Variants in NCL observed in about 807,000 individuals in gnomAD.
The protein encoded by NCL is nucleolin multifunctional protein.
A neutral mutation model predicts 77.7 loss-of-function variants in NCL; 4 were observed. The observed-to-expected ratio is 0.05, with a 90% CI of 0.03 to 0.12. The LOEUF (loss-of-function observed/expected upper bound fraction) is 0.12, where lower values mean the gene tolerates loss of function less well. NCL is among the 10% of genes least tolerant of loss of function. NCL has a pLI of 1.00. For synonymous variants in NCL, 344 were observed against 297.8 expected (o/e 1.16, Z -1.60); for missense variants, 763 against 860.9 (o/e 0.89, Z 1.42).
chr2:231,460,171 C>T lies in NCL; in HGVS notation c.1021G>A (p.Val341Ile), dbSNP rs753908592. 13 of 1,613,214 alleles carry T rather than the reference C, an allele frequency of 8.1e-6. No individual in the cohort carries two copies. The African/African-American group carries it at 1.3e-4, about 17-fold the overall frequency. Residue 341 changes from valine (V) to isoleucine (I), a missense_variant, in exon 6 of 14, where the codon GTC becomes ATC. This residue lies in a region of NCL where 590 missense variants were observed against 570.5 expected (regional missense o/e 1.03). Coordinates refer to ENST00000322723, the MANE Select transcript of NCL (RefSeq NM_005381.3). ...ACTTACCTAGTCATACCAATTCTGA[C>T]ATCCACAACAGCAAGATCATTTTTA... The part of the protein sequence containing the change: ...FAKNDLAVVD[V>I]RIGMTRKFGY...
chr2:231,456,053 G>C lies in NCL; in HGVS notation c.1789C>G (p.Arg597Gly). The change falls in exon 12 of 14, where the codon CGG becomes GGG. Residue 597 changes from arginine to glycine, a missense_variant. Transcript: ENST00000322723. Reference sequence around the variant, plus strand: ...TCCCGGTCAGTAACTATCCTTGCCCGAACGGAGCCGTCAAATGACTCCTTT... The same window carrying C: ...TCCCGGTCAGTAACTATCCTTGCCCCAACGGAGCCGTCAAATGACTCCTTT... ...TLKESFDGSVRARIVTDRETG... is the reference protein window; with the variant it reads ...TLKESFDGSVGARIVTDRETG... The C allele has an allele frequency of 6.2e-7, 1 of 1,614,126 alleles. No homozygotes were observed. Among genetic ancestry groups the C allele is most frequent in the African/African-American group, 1.3e-5 (1 of 75,014 alleles).
At position 231,463,976 on chromosome 2, in the gene NCL, GCGCGGCCCA is replaced by G; in HGVS notation, c.18+351_18+359del. On this transcript the variant is annotated intron_variant, in intron 1 of 13. Coordinates refer to ENST00000322723, the MANE Select transcript of NCL (RefSeq NM_005381.3). ...CTCTGGAGATTCCAGGACCCACGCG[GCGCGGCCCA>G]CGTGGCAGGCCGCGCTCCCGGGCAC... 5 of 420,174 alleles carry G rather than the reference GCGCGGCCCA, an allele frequency of 1.2e-5. No homozygotes were observed. In the South Asian group the frequency reaches 1.9e-4, roughly 16 times the overall value. 26.0% of individuals were successfully genotyped at this position (420,174 alleles called of 1,614,324 possible).
chr2:231,457,878 TG>T, intron 8 of NCL, 78 bp from the exon 9 acceptor site: 1 of 1,334,726 alleles, frequency 7.5e-7, no homozygotes, highest in African/African-American at 1.5e-5. Context: ...ACACAGAACT[TG>T]CTTCAGATCT....
In NCL at chr2:231,464,441, A is replaced by G. The variant is rs377334817; in HGVS notation, c.-88T>C. Reference sequence around the variant, plus strand: ...GCGATGGCGGCCGCGGGTGCTGAAGATCCCGGAGCACGTACACCCGAAGGC... The same window carrying G: ...GCGATGGCGGCCGCGGGTGCTGAAGGTCCCGGAGCACGTACACCCGAAGGC... On this transcript the variant is annotated 5_prime_UTR_variant, in exon 1 of 14. Transcript: ENST00000322723. The G allele has an allele frequency of 6.2e-3, 9,439 of 1,518,516 alleles. 44 individuals are homozygous for G. Among genetic ancestry groups the G allele is most frequent in the Non-Finnish European group, 6.9e-3 (7,722 of 1,115,348 alleles). The allele number at this position is 1,518,516 out of a possible 1,614,324, so 94.1% of individuals were successfully genotyped here.
In NCL at chr2:231,457,116, T is replaced by C; in HGVS notation, c.1456A>G (p.Lys486Glu). 2 of 1,613,722 alleles carry C rather than the reference T, an allele frequency of 1.2e-6. No homozygotes were observed. The highest frequency in any genetic ancestry group is 1.7e-6 in the Non-Finnish European group (2 of 1,179,886). ...GAGAGGTTGCTTAAAACCAGAGTTT[T>C]TGATTCACCTGCAAATAGAGATGCC... ...GKNSTWSGES[K>E]TLVLSNLSYS... Residue 486 changes from lysine (K) to glutamate (E), a missense_variant, in exon 10 of 14, where the codon AAA (lysine) becomes GAA (glutamate). By Grantham distance (56) the Lys-to-Glu change is moderately conservative. Around this residue, in one of 2 missense-constraint regions of NCL, gnomAD observed 173 missense variants for 290.4 expected, o/e 0.60. Transcript: ENST00000322723.
chr2:231,457,182 C>A, intron 9 of NCL, 58 bp from the exon 10 acceptor site: 1 of 1,605,958 alleles, frequency 6.2e-7, no homozygotes, highest in South Asian at 1.1e-5. Context: ...CAGCTTCGGT[C>A]ACAACAGTAA....
Position 231,460,507 on chromosome 2 carries a change from G to A in NCL, c.869C>T (p.Ala290Val). Residue 290 changes from alanine to valine, a missense_variant, in exon 5 of 14, where the codon GCT (alanine) becomes GTT (valine). By Grantham distance (64) the Ala-to-Val change is moderately conservative. This residue lies in a region of NCL where 590 missense variants were observed against 570.5 expected (regional missense o/e 1.03). Coordinates refer to ENST00000322723, the MANE Select transcript of NCL (RefSeq NM_005381.3). ...RKKEMAKQKA[A>V]PEAKKQKVEG... ...CACTTTCTGTTTCTTGGCTTCAGGA[G>A]CTGCTTTCTGTTTGGCCATTTCCTT... 1.2e-6 allele frequency: 2 copies of A among 1,614,150 alleles called. No homozygotes were observed. The highest frequency in any genetic ancestry group is 1.7e-6 in the Non-Finnish European group (2 of 1,180,028).
intron 6 of NCL, among the ~76,000 whole-genome samples, chr2:231,459,949 G>T (rs1220885099): frequency 6.6e-6 from 1 of 152,118 alleles, no homozygotes; most frequent in Non-Finnish European, 1.5e-5. Context: ...AAATTATTCT[G>T]TGCTATACCA....
At chr2:231,457,616 A>G in intron 9 of NCL, 27 bp downstream of exon 9, 6 of 1,563,160 alleles carry the variant, frequency 3.8e-6, no homozygotes, top group Non-Finnish European at 4.3e-6. Flanking sequence ...CCAATTCTGA[A>G]ACCTTGTAAC....
intron 11 of NCL, chr2:231,456,420 A>G: frequency 9.7e-7 from 1 of 1,034,650 alleles, no homozygotes; most frequent in Non-Finnish European, 1.5e-6. Flanking sequence ...TCATGGGCAA[A>G]CTTGCTACTC....
chr2:231,462,484 A>G (rs1341419827), intron 2 of NCL: 1 of 474,742 alleles, frequency 2.1e-6, no homozygotes, highest in Non-Finnish European at 4.3e-6. Context: ...ACCTGAGACA[A>G]AAAATGAATA....
At chr2:231,456,332 G>T in intron 11 of NCL, 196 bp from the exon 12 acceptor site, 1 of 873,022 alleles carries the variant, frequency 1.1e-6, no homozygotes, top group Non-Finnish European at 1.8e-6. Flanking sequence ...TTGCATAGTT[G>T]ATATCCTGCC....
At chr2:231,455,687 T>A (rs913641534) in intron 12 of NCL, 63 bp from the exon 13 acceptor site, 1 of 1,520,368 alleles carries the variant, frequency 6.6e-7, no homozygotes, top group Non-Finnish European at 9.1e-7. Flanking sequence ...CCAAGTTAAC[T>A]GTACATGCTG....
In NCL at chr2:231,455,598, T is replaced by G. The variant is rs1196802057; in HGVS notation, c.1859A>C (p.Glu620Ala). 1.2e-6 allele frequency: 2 copies of G among 1,614,140 alleles called. No individual in the cohort carries two copies. Among genetic ancestry groups the G allele is most frequent in the Admixed American group, 3.3e-5 (2 of 60,028 alleles). ...KGFGFVDFNS[E>A]EDAKAAKEAM... is the part of the protein sequence containing the mutation. ...CTCCTTGGCAGCTTTGGCATCCTCC[T>G]CACTGTTGAAGTCTACAAAACCAAA... The change falls in exon 13 of 14, where the codon GAG becomes GCG. Residue 620 changes from glutamate (E) to alanine (A), a missense_variant. This residue lies in a region of NCL where 173 missense variants were observed against 290.4 expected (regional missense o/e 0.60). Coordinates refer to ENST00000322723, the MANE Select transcript of NCL (RefSeq NM_005381.3).
At position 231,454,008 on chromosome 2, in the gene NCL, G is replaced by T. The variant is rs1185541157; in HGVS notation, c.*1183C>A. 1 of 152,204 alleles carries T rather than the reference G, an allele frequency of 6.6e-6. No individual in the cohort carries two copies. The highest frequency in any genetic ancestry group is 6.5e-5 in the Admixed American group (1 of 15,278). 9.4% of individuals were successfully genotyped at this position (152,204 alleles called of 1,614,324 possible). A position where few individuals can be genotyped will look rare whatever the true frequency, so the allele number is the denominator to read the frequency against. ...TTTTACTAAAAAGGGAGGTTGAGAGGCAAGTACTTAAGACCAGAAAGAATA... is the reference window on the plus strand; with the variant it reads ...TTTTACTAAAAAGGGAGGTTGAGAGTCAAGTACTTAAGACCAGAAAGAATA... On this transcript the variant is annotated 3_prime_UTR_variant, in exon 14 of 14. Coordinates refer to ENST00000322723, the MANE Select transcript of NCL (RefSeq NM_005381.3).
chr2:231,460,008 T>C lies in NCL; in HGVS notation c.1040+144A>G, dbSNP rs1452740036. 5.1e-6 allele frequency: 5 copies of C among 971,002 alleles called. No individual in the cohort carries two copies. In the African/African-American group the frequency reaches 8.2e-5, roughly 16 times the overall value. 60.1% of individuals were successfully genotyped at this position (971,002 alleles called of 1,614,324 possible). ...GCAACTTAGGGGATCTACAGTTTAATTCTAACTTAGTTCACTAATGCTAAT... is the reference window on the plus strand; with the variant it reads ...GCAACTTAGGGGATCTACAGTTTAACTCTAACTTAGTTCACTAATGCTAAT... On this transcript the variant is annotated intron_variant, in intron 6 of 13. Transcript: ENST00000322723.
chr2:231,462,340 T>C (rs942034343), intron 2 of NCL, among the ~76,000 whole-genome samples: 3 of 152,216 alleles, frequency 2.0e-5, no homozygotes, highest in African/African-American at 7.2e-5. Flanking sequence ...CTTACATGTT[T>C]AAGGATCATG....
intron 8 of NCL, 76 bp downstream of exon 8, chr2:231,458,190 A>C: frequency 6.4e-7 from 1 of 1,557,622 alleles, no homozygotes. Context: ...AGGAAATCAA[A>C]CCAATATTTC....
chr2:231,464,413 A>G lies in NCL; in HGVS notation c.-60T>C, dbSNP rs1316777007. On this transcript the variant is annotated 5_prime_UTR_variant, in exon 1 of 14. Coordinates refer to ENST00000322723, the MANE Select transcript of NCL (RefSeq NM_005381.3). ...AGATGAGTCCAGAAGAAGCCAAGCG[A>G]CGGCGATGGCGGCCGCGGGTGCTGA... 6.3e-7 allele frequency: 1 copy of G among 1,577,528 alleles called. No homozygotes were observed. The highest frequency in any genetic ancestry group is 1.3e-5 in the African/African-American group (1 of 74,080).
Sources: allele counts gnomAD v4.1 joint callset (sites outside exome capture counted in the v4.1 genomes callset), GRCh38; gene constraint gnomAD v4.1.1; regional missense constraint gnomAD v4.1.1; transcripts MANE v1.5; gene names NCBI Gene and HGNC (gene_info 2026-07-23, HGNC 2026-07-21).